The following TEKTIP1 variants were observed in gnomAD, a reference collection of about 807,000 sequenced individuals.
TEKTIP1 encodes the protein tektin bundle interacting protein 1, also known as tektin bundle-interacting protein 1.
At chr19:3,541,671 C>T in the TEKTIP1 span, 9 of 985,120 alleles carry the variant, frequency 9.1e-6, no homozygotes, top group African/African-American at 1.6e-4. Context: ...TGAATGGGCT[C>T]CCGCAAGTGT....
the TEKTIP1 span, chr19:3,539,214 A>G: frequency 4.5e-6 from 7 of 1,547,502 alleles, no homozygotes; most frequent in Non-Finnish European, 6.1e-6. Context: ...ACGGCCCTGT[A>G]TCCCCTCGGG....
the TEKTIP1 span, among the ~76,000 whole-genome samples, chr19:3,541,168 CAA>C: frequency 1.3e-4 from 11 of 87,168 alleles, no homozygotes; most frequent in Non-Finnish European, 1.1e-4. Flanking sequence ...GACTCTGTCT[CAA>C]AAAAAAAAAA....
chr19:3,543,447 A>G, the TEKTIP1 span: 14 of 1,542,910 alleles, frequency 9.1e-6, no homozygotes, highest in African/African-American at 2.8e-5. Context: ...AGCTGCTACC[A>G]ACACCGTGAG....
At chr19:3,543,667 G>T in the TEKTIP1 span, 8 of 1,540,134 alleles carry the variant, frequency 5.2e-6, no homozygotes, top group Non-Finnish European at 5.2e-6. Flanking sequence ...GGCCAATCCG[G>T]GGCAAGGAAT....
chr19:3,543,711 A>C, the TEKTIP1 span: 2 of 1,503,048 alleles, frequency 1.3e-6, no homozygotes, highest in Non-Finnish European at 1.8e-6. Context: ...GGTCCTTGGG[A>C]GGCCAGGGGG....
chr19:3,540,927 T>C, the TEKTIP1 span, among the ~76,000 whole-genome samples: 1 of 137,590 alleles, frequency 7.3e-6, no homozygotes, highest in Non-Finnish European at 1.7e-5. Flanking sequence ...TCCCCACATT[T>C]TGGGAGGCCG....
At chr19:3,542,630 C>T in the TEKTIP1 span, 1 of 1,019,540 alleles carries the variant, frequency 9.8e-7, no homozygotes, top group South Asian at 1.6e-5. Flanking sequence ...CCCCCCGCCC[C>T]CACACCATGC....
chr19:3,541,675 C>T, the TEKTIP1 span: 1 of 985,234 alleles, frequency 1.0e-6, no homozygotes, highest in African/African-American at 1.7e-5. Flanking sequence ...TGGGCTCCCG[C>T]AAGTGTGTAA....
At chr19:3,543,103 C>A in the TEKTIP1 span, 1 of 1,537,050 alleles carries the variant, frequency 6.5e-7, no homozygotes, top group Middle Eastern at 1.9e-4. Context: ...AGGACAGACT[C>A]CAAGTGGCGA....
the TEKTIP1 span, chr19:3,543,551 G>A: frequency 1.2e-4 from 154 of 1,303,290 alleles, no homozygotes; most frequent in African/African-American, 6.5e-4. Context: ...CCGCCCCACC[G>A]CAGCCTACAC....
chr19:3,542,946 C>G, the TEKTIP1 span: 1 of 1,497,560 alleles, frequency 6.7e-7, no homozygotes, highest in East Asian at 2.9e-5. Flanking sequence ...GGCCCTTGTC[C>G]TCTCCCCTCC....
the TEKTIP1 span, chr19:3,541,859 A>C: frequency 4.3e-6 from 4 of 934,360 alleles, no homozygotes; most frequent in Non-Finnish European, 5.1e-6. Context: ...CCCAGGCTGG[A>C]GTGCAGTGAC....
chr19:3,539,508 C>T, the TEKTIP1 span: 11 of 511,212 alleles, frequency 2.2e-5, no homozygotes, highest in East Asian at 1.5e-4. Flanking sequence ...GGACTGCAAA[C>T]GCACTGGGAG....
At chr19:3,539,593 C>G in the TEKTIP1 span, 2 of 309,486 alleles carry the variant, frequency 6.5e-6, no homozygotes, top group Non-Finnish European at 1.2e-5. Context: ...CTGAGAGAGT[C>G]TGTCCCACAC....
the TEKTIP1 span, chr19:3,544,014 C>T: frequency 1.4e-5 from 22 of 1,532,808 alleles, no homozygotes; most frequent in Non-Finnish European, 1.9e-5. Context: ...CCGATAAAGG[C>T]ATGCTACCAG....
the TEKTIP1 span, chr19:3,542,943 G>A: frequency 8.7e-6 from 13 of 1,491,914 alleles, no homozygotes; most frequent in South Asian, 1.3e-4. Context: ...CAGGGCCCTT[G>A]TCCTCTCCCC....
chr19:3,542,123 TTTAA>T, the TEKTIP1 span: 5 of 985,308 alleles, frequency 5.1e-6, no homozygotes, highest in Non-Finnish European at 6.0e-6. Context: ...TTTGTGCTGT[TTTAA>T]TTGTGTTTTA....
At chr19:3,541,804 T>C in the TEKTIP1 span, 1 of 984,722 alleles carries the variant, frequency 1.0e-6, no homozygotes. Flanking sequence ...TTGAATATTA[T>C]TCTGTGCTGT....
the TEKTIP1 span, chr19:3,543,852 G>A: frequency 1.3e-6 from 2 of 1,545,940 alleles, no homozygotes; most frequent in Non-Finnish European, 8.7e-7. Flanking sequence ...CCGGTACGGG[G>A]TGGAGCCACT....
Sources: allele counts gnomAD v4.1 joint callset (sites outside exome capture counted in the v4.1 genomes callset), GRCh38; gene constraint gnomAD v4.1.1; transcripts MANE v1.5; gene names NCBI Gene and HGNC (gene_info 2026-07-23, HGNC 2026-07-21).